The following HS3ST3B1 variants were observed in gnomAD, a reference collection of about 807,000 sequenced individuals.
The protein encoded by HS3ST3B1 is heparan sulfate-glucosamine 3-sulfotransferase 3B1, also known as heparan sulfate glucosamine 3-O-sulfotransferase 3B1.
Under a neutral mutation model 21.3 loss-of-function variants are expected in HS3ST3B1, and 13 were observed. The observed-to-expected ratio is 0.61, with a 90% CI of 0.40 to 0.97. HS3ST3B1 has a LOEUF of 0.97. HS3ST3B1 is among the 50% of genes least tolerant of loss of function. The probability of loss-of-function intolerance (pLI) is 0.00; values close to 1 mark genes in which losing one functional copy is unlikely to be tolerated. For synonymous variants in HS3ST3B1, 234 were observed against 254.8 expected, an observed-to-expected ratio of 0.92 and a Z score of 0.78; for missense variants, 459 against 554.8, an observed-to-expected ratio of 0.83 and a Z score of 1.73.
At chr17:14,321,366 A>T (rs535833207) in intron 1 of HS3ST3B1, among the ~76,000 whole-genome samples, 4 of 152,274 alleles carry the variant, frequency 2.6e-5, no homozygotes, top group African/African-American at 9.6e-5. Context: ...CTGGTTCGAG[A>T]GGCTTGTTTA....
Position 14,345,653 on chromosome 17 carries a change from C to T in HS3ST3B1, c.*7C>T, listed in dbSNP as rs761278921. The stretch of plus-strand genomic sequence containing the variant: ...CGACTTTGGCTGGGATTGAGCAGAC[C>T]CGGGCTATGTACCTTACCCACGTGG... On this transcript the variant is annotated 3_prime_UTR_variant, in exon 2 of 2. Coordinates refer to ENST00000360954, the MANE Select transcript of HS3ST3B1 (RefSeq NM_006041.3). The T allele has an allele frequency of 2.5e-6, 4 of 1,612,946 alleles. No homozygotes were observed. The highest frequency in any genetic ancestry group is 1.3e-5 in the African/African-American group (1 of 74,918).
intron 1 of HS3ST3B1, among the ~76,000 whole-genome samples, chr17:14,313,852 G>C (rs903315971): frequency 6.6e-6 from 1 of 152,162 alleles, no homozygotes; most frequent in African/African-American, 2.4e-5. Context: ...TTACAGGCGT[G>C]AGCCACCGCA....
At chr17:14,336,321 CTGGGCTATAGGAGG>C (rs1191125169) in intron 1 of HS3ST3B1, among the ~76,000 whole-genome samples, 1 of 152,126 alleles carries the variant, frequency 6.6e-6, no homozygotes, top group Non-Finnish European at 1.5e-5. Flanking sequence ...ACTTCAATTG[CTGGGCTATAGGAGG>C]AGGGATATCA....
intron 1 of HS3ST3B1, among the ~76,000 whole-genome samples, chr17:14,310,301 G>A (rs1909266463): frequency 6.6e-6 from 1 of 151,990 alleles, no homozygotes; most frequent in Non-Finnish European, 1.5e-5. Flanking sequence ...CTAACCCTAA[G>A]TCCTGTGCAC....
intron 1 of HS3ST3B1, among the ~76,000 whole-genome samples, chr17:14,312,865 T>A (rs968393053): frequency 6.6e-6 from 1 of 151,494 alleles, no homozygotes; most frequent in African/African-American, 2.4e-5. Flanking sequence ...AGACACTGGG[T>A]TTTGTACCAT....
intron 1 of HS3ST3B1, among the ~76,000 whole-genome samples, chr17:14,339,137 CA>C (rs1910291367): frequency 6.6e-6 from 1 of 152,040 alleles, no homozygotes; most frequent in Non-Finnish European, 1.5e-5. Context: ...ACGTGCTTTT[CA>C]AAAAGGTATC....
intron 1 of HS3ST3B1, among the ~76,000 whole-genome samples, chr17:14,325,488 A>T (rs1909781175): frequency 6.6e-6 from 1 of 152,186 alleles, no homozygotes; most frequent in Non-Finnish European, 1.5e-5. Flanking sequence ...CACCAGAAAG[A>T]ACTTATTTGT....
At position 14,303,996 on chromosome 17, in the gene HS3ST3B1, C is replaced by T. The variant is rs1390411480; in HGVS notation, c.554+1924C>T. The T allele has an allele frequency of 6.6e-6, 1 of 152,206 alleles. No individual in the cohort carries two copies. Among genetic ancestry groups the T allele is most frequent in the Non-Finnish European group, 1.5e-5 (1 of 68,038 alleles). 9.4% of individuals were successfully genotyped at this position (152,206 alleles called of 1,614,324 possible). A position where few individuals can be genotyped will look rare whatever the true frequency, so the allele number is the denominator to read the frequency against. ...CTCACGCAGTCTCTTAGGCGGCTGCCCTCCACCTGCCACGTTCTTTTTGAT... is the reference window on the plus strand; with the variant it reads ...CTCACGCAGTCTCTTAGGCGGCTGCTCTCCACCTGCCACGTTCTTTTTGAT... On this transcript the variant is annotated intron_variant, in intron 1 of 1. Transcript: ENST00000360954. The surrounding 1 kb of genome is among the most constrained non-coding windows in gnomAD (Gnocchi z 5.7).
intron 1 of HS3ST3B1, chr17:14,304,017 T>C (rs1350842356): frequency 6.6e-6 from 1 of 152,220 alleles, no homozygotes; most frequent in Non-Finnish European, 1.5e-5. Flanking sequence ...CACGTTCTTT[T>C]TGATTGACTA....
intron 1 of HS3ST3B1, among the ~76,000 whole-genome samples, chr17:14,327,011 T>C (rs1909841132): frequency 1.3e-5 from 2 of 151,576 alleles, no homozygotes; most frequent in African/African-American, 2.4e-5. Flanking sequence ...TTCACGTTTC[T>C]CATTTTCGAG....
intron 1 of HS3ST3B1, among the ~76,000 whole-genome samples, chr17:14,336,262 A>C (rs1488881941): frequency 2.0e-5 from 3 of 152,192 alleles, no homozygotes; most frequent in African/African-American, 7.2e-5. Flanking sequence ...GGTTACGCCC[A>C]TTTCAATAAT....
At chr17:14,305,121 G>C (rs1390817696) in intron 1 of HS3ST3B1, 1 of 152,292 alleles carries the variant, frequency 6.6e-6, no homozygotes, top group Non-Finnish European at 1.5e-5. Context: ...TGGCCAGAGT[G>C]GCAGCCTTTC....
At chr17:14,324,892 G>A (rs867049847) in intron 1 of HS3ST3B1, among the ~76,000 whole-genome samples, 15 of 152,198 alleles carry the variant, frequency 9.9e-5, no homozygotes, top group African/African-American at 3.4e-4. Context: ...AGAATCATAG[G>A]TGTGAGCCAC....
rs567064640 is a variant in HS3ST3B1 at position 14,342,234 on chromosome 17, T to A, written c.555-2794T>A. Among the ~76,000 whole-genome samples, 4 of 151,502 alleles carry A rather than the reference T, an allele frequency of 2.6e-5. No homozygotes were observed. In the East Asian group the frequency reaches 7.7e-4, roughly 29 times the overall value. On this transcript the variant is annotated intron_variant, in intron 1 of 1. Coordinates refer to ENST00000360954, the MANE Select transcript of HS3ST3B1 (RefSeq NM_006041.3). ...GAGGTAAATATTTGGTCAAAAATAATGTGGAAATTCTCTTTTTTTTTTCCT... is the reference window on the plus strand; with the variant it reads ...GAGGTAAATATTTGGTCAAAAATAAAGTGGAAATTCTCTTTTTTTTTTCCT...
intron 1 of HS3ST3B1, among the ~76,000 whole-genome samples, chr17:14,306,779 C>T (rs757427973): frequency 2.8e-4 from 43 of 151,904 alleles, no homozygotes; most frequent in Non-Finnish European, 2.5e-4. Context: ...TCTCTTAGTC[C>T]CAGAGTTTAA....
chr17:14,329,049 G>C (rs566019661), intron 1 of HS3ST3B1: 42 of 152,150 alleles, frequency 2.8e-4, no homozygotes, highest in African/African-American at 8.7e-4. Flanking sequence ...GGGTTCTGTT[G>C]GTTGAGCACA....
chr17:14,301,083 A>C lies in HS3ST3B1; in HGVS notation c.-436A>C. ...TCGGTCCACAGCTCTCTTCCTGCGC[A>C]GTTCGCCTCTGCAGCCTCTGCGGGG... On this transcript the variant is annotated 5_prime_UTR_variant, in exon 1 of 2. Transcript: ENST00000360954. The C allele has an allele frequency of 5.7e-6, 1 of 175,898 alleles. No individual in the cohort carries two copies. The highest frequency in any genetic ancestry group is 1.2e-5 in the Non-Finnish European group (1 of 84,496). The allele number at this position is 175,898 out of a possible 1,614,324, so 10.9% of individuals were successfully genotyped here. A position where few individuals can be genotyped will look rare whatever the true frequency, so the allele number is the denominator to read the frequency against.
chr17:14,324,560 G>C (rs77763598), intron 1 of HS3ST3B1, among the ~76,000 whole-genome samples: 6,430 of 152,012 alleles, frequency 0.042, 357 homozygotes, highest in African/African-American at 0.12. Context: ...CATCCCCACT[G>C]TCCCCTCCCC....
intron 1 of HS3ST3B1, among the ~76,000 whole-genome samples, chr17:14,333,604 G>T (rs1910091197): frequency 6.6e-6 from 1 of 152,118 alleles, no homozygotes; most frequent in Non-Finnish European, 1.5e-5. Flanking sequence ...GTGGGTGAGG[G>T]GGCGGGGTAG....
Sources: allele counts gnomAD v4.1 joint callset (sites outside exome capture counted in the v4.1 genomes callset), GRCh38; gene constraint gnomAD v4.1.1; non-coding constraint Gnocchi (gnomAD v3.1); transcripts MANE v1.5; gene names NCBI Gene and HGNC (gene_info 2026-07-23, HGNC 2026-07-21).